Variants in CNTNAP5 observed in about 807,000 individuals in gnomAD.
CNTNAP5 encodes the protein contactin associated protein family member 5.
Under a neutral mutation model 150.2 loss-of-function variants are expected in CNTNAP5, and 72 were observed. The ratio of observed to expected loss-of-function variants is 0.48; its 90% CI spans 0.40 to 0.58. The LOEUF is 0.58. CNTNAP5 is among the 20% of genes least tolerant of loss of function. The pLI is 0.00. For missense variants in CNTNAP5, 1,636 were observed against 1,626.2 expected (o/e 1.01, Z -0.10); for synonymous variants, 672 against 619.8 (o/e 1.08, Z -1.25).
chr2:124,726,215 A>G (rs1680154616), intron 13 of CNTNAP5, among the ~76,000 whole-genome samples: 1 of 152,040 alleles, frequency 6.6e-6, no homozygotes, highest in Admixed American at 6.6e-5. Flanking sequence ...TTTTCTGATT[A>G]TTAGTGATAT....
At chr2:124,117,526 G>A (rs1487566273) in intron 1 of CNTNAP5, among the ~76,000 whole-genome samples, 2 of 152,116 alleles carry the variant, frequency 1.3e-5, no homozygotes, top group Non-Finnish European at 2.9e-5. Context: ...TAAAAAGTTA[G>A]GTTGGGAAAC....
rs901269514 is a variant in CNTNAP5, at chr2:124,341,953, T to C, written c.382-75490T>C. Among the ~76,000 whole-genome samples, 4 of 151,926 alleles carry C rather than the reference T, an allele frequency of 2.6e-5. No individual in the cohort carries two copies. In the South Asian group the frequency reaches 6.2e-4, roughly 24 times the overall value. ...CTCAAGTCAGAAAATTGGGAGAAAA[T>C]TGGAAATGCTGTAATAGTTTGGAGA... On this transcript the variant is annotated intron_variant, in intron 3 of 23. Transcript: ENST00000682447.
At chr2:124,237,086 G>C (rs771757504) in intron 2 of CNTNAP5, among the ~76,000 whole-genome samples, 1 of 152,182 alleles carries the variant, frequency 6.6e-6, no homozygotes, top group East Asian at 1.9e-4. Flanking sequence ...CCGAAATCAC[G>C]CCATTGCACT....
chr2:124,911,876 A>G (rs770682383), intron 23 of CNTNAP5, among the ~76,000 whole-genome samples: 5 of 152,120 alleles, frequency 3.3e-5, no homozygotes, highest in Non-Finnish European at 5.9e-5. Flanking sequence ...GCAAACCAAT[A>G]AAACTAAATT....
At chr2:124,357,335 C>A (rs954562142) in intron 3 of CNTNAP5, among the ~76,000 whole-genome samples, 2 of 152,132 alleles carry the variant, frequency 1.3e-5, no homozygotes, top group Non-Finnish European at 2.9e-5. Flanking sequence ...TCAATTTTGT[C>A]TTTTGTTGCC....
chr2:124,916,754 G>A lies in CNTNAP5; in HGVS notation c.*2466G>A, dbSNP rs375830349. On this transcript the variant is annotated 3_prime_UTR_variant, in exon 24 of 24. Coordinates refer to ENST00000682447, the MANE Select transcript of CNTNAP5 (RefSeq NM_001367498.1). ...AAATCAACTGGCATCTTCCTCACGT[G>A]TGTAGACTCCATGCACACTACATAC... Among the ~76,000 whole-genome samples the A allele has an allele frequency of 1.3e-5, 2 of 152,024 alleles. No homozygotes were observed. The highest frequency in any genetic ancestry group is 4.8e-5 in the African/African-American group (2 of 41,410).
At chr2:124,797,359 G>C (rs1573623724) in intron 18 of CNTNAP5, among the ~76,000 whole-genome samples, 1 of 152,116 alleles carries the variant, frequency 6.6e-6, no homozygotes, top group South Asian at 2.1e-4. Flanking sequence ...TTTAGATCCC[G>C]TATTTCTTCC....
At chr2:124,670,013 A>G (rs1488329557) in intron 13 of CNTNAP5, among the ~76,000 whole-genome samples, 1 of 151,940 alleles carries the variant, frequency 6.6e-6, no homozygotes, top group East Asian at 1.9e-4. Flanking sequence ...CCCCATCCCC[A>G]TTTCACTACT....
intron 3 of CNTNAP5, among the ~76,000 whole-genome samples, chr2:124,394,502 A>G (rs1340801538): frequency 1.3e-5 from 2 of 152,186 alleles, no homozygotes; most frequent in African/African-American, 2.4e-5. Flanking sequence ...AAGCACTACA[A>G]ACAATTTCTG....
intron 1 of CNTNAP5, among the ~76,000 whole-genome samples, chr2:124,172,779 C>CTCTG (rs1302403644): frequency 2.7e-5 from 4 of 149,328 alleles, no homozygotes; most frequent in East Asian, 2.0e-4. Flanking sequence ...CTCTCTCTCT[C>CTCTG]TGTGTGTGTG....
intron 6 of CNTNAP5, among the ~76,000 whole-genome samples, chr2:124,448,973 C>T (rs1193156277): frequency 1.3e-5 from 2 of 152,180 alleles, no homozygotes; most frequent in African/African-American, 4.8e-5. Flanking sequence ...CTGTGTCCCA[C>T]CTTGGACAGC....
chr2:124,685,764 G>GCGCA (rs796698571), intron 13 of CNTNAP5, among the ~76,000 whole-genome samples: 2 of 98,480 alleles, frequency 2.0e-5, no homozygotes, highest in African/African-American at 8.4e-5. Flanking sequence ...GTGTGTGTGC[G>GCGCA]CGCGCGTGTT....
intron 21 of CNTNAP5, among the ~76,000 whole-genome samples, chr2:124,872,815 C>T (rs1400660926): frequency 6.6e-6 from 1 of 151,746 alleles, no homozygotes; most frequent in African/African-American, 2.4e-5. Flanking sequence ...AAAAAAAAAT[C>T]CTCATTAAAT....
At chr2:124,348,209 A>C (rs1279530764) in intron 3 of CNTNAP5, among the ~76,000 whole-genome samples, 3 of 152,092 alleles carry the variant, frequency 2.0e-5, no homozygotes, top group African/African-American at 7.2e-5. Flanking sequence ...TAATGTTATA[A>C]ATTATTTTCT....
chr2:124,369,662 T>C (rs1200720119), intron 3 of CNTNAP5, among the ~76,000 whole-genome samples: 1 of 152,174 alleles, frequency 6.6e-6, no homozygotes, highest in Non-Finnish European at 1.5e-5. Flanking sequence ...AAAGTGTTCT[T>C]AAAATAAAGA....
At chr2:124,640,348 A>T (rs1361784339) in intron 12 of CNTNAP5, among the ~76,000 whole-genome samples, 2 of 152,208 alleles carry the variant, frequency 1.3e-5, no homozygotes, top group African/African-American at 4.8e-5. Flanking sequence ...GTTGTCTGGA[A>T]GTCGTAAAGT....
rs1334434020 is a variant in CNTNAP5, at chr2:124,917,742, G to A, written c.*3454G>A. ...GCCAATGAGTGCCGGGCTAGGCATT[G>A]GGTGAACATATATAAATTACACCTT... On this transcript the variant is annotated 3_prime_UTR_variant, in exon 24 of 24. Transcript: ENST00000682447. Among the ~76,000 whole-genome samples the A allele has an allele frequency of 3.9e-5, 6 of 151,994 alleles. No homozygotes were observed. Among genetic ancestry groups the A allele is most frequent in the Non-Finnish European group, 7.4e-5 (5 of 67,978 alleles).
chr2:124,506,336 G>GA (rs982640287), intron 8 of CNTNAP5, among the ~76,000 whole-genome samples: 129 of 151,100 alleles, frequency 8.5e-4, no homozygotes, highest in African/African-American at 2.1e-3. Context: ...AGGTAGTCAG[G>GA]AAAAAAAAAT....
At chr2:124,477,867 A>T (rs1347887821) in intron 7 of CNTNAP5, among the ~76,000 whole-genome samples, 1 of 152,044 alleles carries the variant, frequency 6.6e-6, no homozygotes, top group East Asian at 1.9e-4. Context: ...TAATGTCAGA[A>T]ATATTAAAGG....
Sources: allele counts gnomAD v4.1 joint callset (sites outside exome capture counted in the v4.1 genomes callset), GRCh38; gene constraint gnomAD v4.1.1; transcripts MANE v1.5; gene names NCBI Gene and HGNC (gene_info 2026-07-23, HGNC 2026-07-21).